Variants in ZC3H12B observed in about 807,000 individuals in gnomAD.
ZC3H12B encodes the protein zinc finger CCCH-type containing 12B.
Under a neutral mutation model 43.9 loss-of-function variants are expected in ZC3H12B, and 7 were observed. The observed-to-expected ratio is 0.16, with a 90% confidence interval of 0.09 to 0.30. The LOEUF (loss-of-function observed/expected upper bound fraction) is 0.30. Ranked by LOEUF, ZC3H12B falls within the 10% of genes least tolerant of loss-of-function variation. The pLI is 1.00. For synonymous variants in ZC3H12B, 222 were observed against 241.7 expected (o/e 0.92, Z 0.76); for missense variants, 475 against 670.2 (o/e 0.71, Z 3.22).
At chrX:65,177,344 A>T in the ZC3H12B span, among the ~76,000 whole-genome samples, 27 of 112,055 alleles carry the variant, frequency 2.4e-4, 1 homozygote, top group Non-Finnish European at 4.5e-4. Context: ...AAAAGCTGGA[A>T]GCATTCCCTT....
chrX:65,159,701 T>C, the ZC3H12B span, among the ~76,000 whole-genome samples: 1 of 111,951 alleles, frequency 8.9e-6, no homozygotes, highest in East Asian at 2.8e-4. Flanking sequence ...AATCATGTCA[T>C]CTGCAAAAAG....
At chrX:65,290,199 A>T in the ZC3H12B span, among the ~76,000 whole-genome samples, 462 of 111,071 alleles carry the variant, frequency 4.2e-3, 2 homozygotes, top group African/African-American at 0.013. Context: ...TTAAAAGGTG[A>T]TATGCAAAAT....
chrX:65,148,361 G>C, the ZC3H12B span, among the ~76,000 whole-genome samples: 2 of 112,017 alleles, frequency 1.8e-5, no homozygotes, highest in Admixed American at 9.4e-5. Context: ...ATGGAGGCTG[G>C]CCTGAAGCCT....
the ZC3H12B span, among the ~76,000 whole-genome samples, chrX:65,280,035 TC>T: frequency 8.9e-5 from 10 of 111,876 alleles, no homozygotes; most frequent in African/African-American, 2.9e-4. Flanking sequence ...CAGAGAGAAA[TC>T]TTTTTAACTC....
At chrX:65,078,166 G>A in the ZC3H12B span, among the ~76,000 whole-genome samples, 1 of 112,136 alleles carries the variant, frequency 8.9e-6, no homozygotes, top group East Asian at 2.8e-4. Flanking sequence ...CAGGTTTGAT[G>A]GGACTAGGGC....
intron 3 of ZC3H12B, among the ~76,000 whole-genome samples, chrX:65,429,885 AG>A (rs1260696506): frequency 8.9e-6 from 1 of 112,216 alleles, no homozygotes; most frequent in Non-Finnish European, 1.9e-5. Context: ...CAAAGCCAGC[AG>A]TCTTGAATGG....
At chrX:65,299,038 G>A in the ZC3H12B span, among the ~76,000 whole-genome samples, 6 of 111,518 alleles carry the variant, frequency 5.4e-5, no homozygotes, top group African/African-American at 1.6e-4. Context: ...GGGATAATGG[G>A]GATTATGGGA....
At chrX:65,291,849 C>T in the ZC3H12B span, among the ~76,000 whole-genome samples, 4 of 111,825 alleles carry the variant, frequency 3.6e-5, no homozygotes, top group African/African-American at 6.5e-5. Context: ...ACAATGCTAA[C>T]ACTAATTAAA....
the ZC3H12B span, among the ~76,000 whole-genome samples, chrX:65,317,628 T>A: frequency 9.2e-6 from 1 of 108,995 alleles, no homozygotes; most frequent in East Asian, 2.9e-4. Flanking sequence ...GAACATACGA[T>A]GTTTGGGTTT....
At chrX:65,342,393 C>T in the ZC3H12B span, among the ~76,000 whole-genome samples, 3 of 111,614 alleles carry the variant, frequency 2.7e-5, no homozygotes, top group South Asian at 3.7e-4. Context: ...ACTCTAAAAT[C>T]GACCACGTAA....
chrX:65,081,711 A>AT, the ZC3H12B span, among the ~76,000 whole-genome samples: 3 of 111,873 alleles, frequency 2.7e-5, no homozygotes, highest in Non-Finnish European at 5.7e-5. Flanking sequence ...CACTTCCAGC[A>AT]TTGGACAGAT....
chrX:65,467,377 T>A (rs1166804028), intron 3 of ZC3H12B, among the ~76,000 whole-genome samples: 2 of 111,603 alleles, frequency 1.8e-5, no homozygotes, highest in African/African-American at 3.2e-5. Context: ...GTTGGTTCTA[T>A]ATCTTTTCAA....
intron 2 of ZC3H12B, among the ~76,000 whole-genome samples, chrX:65,397,635 A>G (rs2050306895): frequency 9.0e-6 from 1 of 111,480 alleles, no homozygotes; most frequent in Non-Finnish European, 1.9e-5. Context: ...ATATCTCAAT[A>G]TGATAAAAGG....
At chrX:65,056,939 G>C in the ZC3H12B span, among the ~76,000 whole-genome samples, 2 of 111,478 alleles carry the variant, frequency 1.8e-5, no homozygotes, top group East Asian at 5.6e-4. Flanking sequence ...CATTTGCTTA[G>C]TAGACCTTCC....
chrX:65,268,267 T>G, the ZC3H12B span, among the ~76,000 whole-genome samples: 4 of 111,871 alleles, frequency 3.6e-5, no homozygotes, highest in Non-Finnish European at 7.5e-5. Context: ...AAGAAGTAAT[T>G]TTAAACCTTT....
the ZC3H12B span, among the ~76,000 whole-genome samples, chrX:65,221,999 C>A: frequency 9.0e-6 from 1 of 111,405 alleles, no homozygotes; most frequent in South Asian, 3.7e-4. Flanking sequence ...AGATAATCCA[C>A]CATGATCAAG....
chrX:65,103,649 A>T, the ZC3H12B span, among the ~76,000 whole-genome samples: 2 of 111,834 alleles, frequency 1.8e-5, no homozygotes, highest in African/African-American at 3.2e-5. Flanking sequence ...AAGAAATTAT[A>T]AAAGTGGGGA....
chrX:65,224,341 C>A, the ZC3H12B span, among the ~76,000 whole-genome samples: 1 of 112,491 alleles, frequency 8.9e-6, no homozygotes, highest in Non-Finnish European at 1.9e-5. Context: ...TGGGTACAGT[C>A]TACACTGCTT....
chrX:65,488,737 T>A lies in ZC3H12B; in HGVS notation c.-65T>A. On this transcript the variant is annotated 5_prime_UTR_variant, in exon 1 of 5. The change abolishes an upstream ATG in the 5' untranslated region. Coordinates refer to ENST00000338957, the Ensembl canonical transcript of ZC3H12B. ...TTTACTACAAAAGAATGCCACTGCA[T>A]GTGGATTCCAAGCAGGCTAAAAAGA... The A allele has an allele frequency of 9.2e-7, 1 of 1,091,411 alleles. No individual in the cohort carries two copies. The highest frequency in any genetic ancestry group is 1.2e-6 in the Non-Finnish European group (1 of 837,075). 89.9% of individuals were successfully genotyped at this position (1,091,411 alleles called of 1,213,427 possible).
Sources: gnomAD v4.1 joint callset for allele counts (sites outside exome capture counted in the v4.1 genomes callset) on GRCh38, gnomAD v4.1.1 for gene constraint, MANE v1.5 for transcripts, NCBI Gene and HGNC (gene_info 2026-07-23, HGNC 2026-07-21) for gene names.